The following RBFOX2 variants were observed in gnomAD, a reference collection of about 807,000 sequenced individuals.
RBFOX2 encodes the protein RNA binding fox-1 homolog 2.
RBFOX2 carries 10 observed loss-of-function variants against 49.1 expected under a neutral mutation model. The observed-to-expected ratio is 0.20, with a 90% CI of 0.13 to 0.35. The LOEUF (loss-of-function observed/expected upper bound fraction) is 0.35, where lower values mean the gene tolerates loss of function less well. Ranked by LOEUF, RBFOX2 falls within the 10% of genes least tolerant of loss-of-function variation. RBFOX2 has a pLI of 1.00. For synonymous variants in RBFOX2, 183 were observed against 187.4 expected (o/e 0.98, Z 0.19); for missense variants, 323 against 486.9 (o/e 0.66, Z 3.17).
At chr22:35,838,321 T>G (rs1460317129) in intron 1 of RBFOX2, among the ~76,000 whole-genome samples, 1 of 151,838 alleles carries the variant, frequency 6.6e-6, no homozygotes, top group Non-Finnish European at 1.5e-5. Flanking sequence ...TATTATATGG[T>G]TGTTACACTC....
chr22:35,929,165 T>A (rs1231655578), intron 1 of RBFOX2, among the ~76,000 whole-genome samples: 1 of 152,026 alleles, frequency 6.6e-6, no homozygotes, highest in African/African-American at 2.4e-5. Context: ...GTATTTCTAG[T>A]AGAGATGGGG....
intron 1 of RBFOX2, among the ~76,000 whole-genome samples, chr22:35,926,127 G>A (rs2080396410): frequency 6.6e-6 from 1 of 152,266 alleles, no homozygotes; most frequent in Non-Finnish European, 1.5e-5. Context: ...TAATTAGTTG[G>A]TTTCATTCTA....
intron 1 of RBFOX2, among the ~76,000 whole-genome samples, chr22:35,954,222 A>G (rs1020380690): frequency 1.1e-4 from 16 of 152,202 alleles, no homozygotes; most frequent in African/African-American, 2.7e-4. Context: ...ACAAATGAAC[A>G]TGTATTATTT....
chr22:35,917,164 G>A (rs1314573540), intron 1 of RBFOX2, among the ~76,000 whole-genome samples: 1 of 152,158 alleles, frequency 6.6e-6, no homozygotes, highest in Non-Finnish European at 1.5e-5. Flanking sequence ...AAGAGTGAAG[G>A]ATACAACTTC....
chr22:35,762,628 C>T (rs1939345296), intron 6 of RBFOX2, among the ~76,000 whole-genome samples: 1 of 151,630 alleles, frequency 6.6e-6, no homozygotes, highest in South Asian at 2.1e-4. Flanking sequence ...GCCTCAGCCT[C>T]CCAAGTAGCT....
intron 1 of RBFOX2, among the ~76,000 whole-genome samples, chr22:35,928,465 G>A (rs1021301754): frequency 2.6e-5 from 4 of 152,170 alleles, no homozygotes; most frequent in African/African-American, 9.7e-5. Context: ...TCGGGAGAAG[G>A]CTGTAGCCAA....
chr22:35,909,758 C>T (rs1264652464), intron 1 of RBFOX2, among the ~76,000 whole-genome samples: 1 of 152,178 alleles, frequency 6.6e-6, no homozygotes, highest in African/African-American at 2.4e-5. Flanking sequence ...ATTACAGGCA[C>T]AAGCCACCAT....
At chr22:35,960,958 G>GC (rs2056136589) in intron 1 of RBFOX2, among the ~76,000 whole-genome samples, 1 of 150,790 alleles carries the variant, frequency 6.6e-6, no homozygotes, top group Non-Finnish European at 1.5e-5. Flanking sequence ...TGTTATATTT[G>GC]TTTAAAAAAA....
intron 1 of RBFOX2, chr22:35,898,433 T>G: frequency 2.2e-6 from 1 of 464,596 alleles, no homozygotes; most frequent in South Asian, 2.2e-5. Context: ...TTTTTTTTTT[T>G]TTTTTTTTCT....
At chr22:35,895,088 C>CTCTCTT (rs1208838599) in intron 1 of RBFOX2, among the ~76,000 whole-genome samples, 4 of 151,964 alleles carry the variant, frequency 2.6e-5, no homozygotes, top group African/African-American at 9.7e-5. Flanking sequence ...CTCTCTCTCT[C>CTCTCTT]TCTCTTTCTC....
At chr22:35,775,240 G>A (rs1291592897) in intron 4 of RBFOX2, among the ~76,000 whole-genome samples, 4 of 152,128 alleles carry the variant, frequency 2.6e-5, no homozygotes, top group Non-Finnish European at 5.9e-5. Context: ...AGTTCCAAGG[G>A]CACCCATTCC....
chr22:35,879,294 A>C (rs1390396178), intron 1 of RBFOX2, among the ~76,000 whole-genome samples: 1 of 152,160 alleles, frequency 6.6e-6, no homozygotes, highest in African/African-American at 2.4e-5. Context: ...CGTACTGGAT[A>C]TGTACAGTCT....
At position 35,773,648 on chromosome 22, in the gene RBFOX2, T is replaced by G. The variant is rs1208424852; in HGVS notation, c.453+4377A>C. ...TGTAGTCCTTTAGTAGACTTAATAA[T>G]GAGCACTATCTGAAGAGCTGAACAA... On this transcript the variant is annotated intron_variant, in intron 4 of 11. Transcript: ENST00000405409. Among the ~76,000 whole-genome samples the G allele has an allele frequency of 2.0e-5, 3 of 152,122 alleles. No homozygotes were observed. The South Asian group carries it at 6.2e-4, about 31-fold the overall frequency.
At chr22:35,776,439 G>T (rs1943930487) in intron 4 of RBFOX2, among the ~76,000 whole-genome samples, 1 of 152,114 alleles carries the variant, frequency 6.6e-6, no homozygotes, top group African/African-American at 2.4e-5. Context: ...TTATAGTCAG[G>T]ATTAAACACT....
At chr22:35,795,278 T>A (rs1948568216) in intron 2 of RBFOX2, among the ~76,000 whole-genome samples, 1 of 152,152 alleles carries the variant, frequency 6.6e-6, no homozygotes, top group Admixed American at 6.5e-5. Flanking sequence ...CTTGGAAAAG[T>A]GGATGGCTGA....
At chr22:35,954,403 G>A (rs1415803507) in intron 1 of RBFOX2, among the ~76,000 whole-genome samples, 3 of 152,152 alleles carry the variant, frequency 2.0e-5, no homozygotes. Flanking sequence ...TACTCCTCAG[G>A]ATTCAGGATG....
At chr22:35,954,777 C>T (rs1483789737) in intron 1 of RBFOX2, among the ~76,000 whole-genome samples, 1 of 152,144 alleles carries the variant, frequency 6.6e-6, no homozygotes, top group Admixed American at 6.5e-5. Context: ...CTCAAAAGAA[C>T]TCACAGTCTA....
intron 1 of RBFOX2, among the ~76,000 whole-genome samples, chr22:36,007,255 C>T (rs1319330642): frequency 6.6e-6 from 1 of 151,460 alleles, no homozygotes; most frequent in Non-Finnish European, 1.5e-5. Flanking sequence ...AGCTAATATA[C>T]AAACATATAA....
intron 2 of RBFOX2, among the ~76,000 whole-genome samples, chr22:35,783,093 C>T (rs890032852): frequency 3.9e-5 from 6 of 152,174 alleles, no homozygotes; most frequent in Non-Finnish European, 5.9e-5. Flanking sequence ...GCCTGAGGAC[C>T]GGAAAACAGT....
Sources: allele counts gnomAD v4.1 joint callset (sites outside exome capture counted in the v4.1 genomes callset), GRCh38; gene constraint gnomAD v4.1.1; transcripts MANE v1.5; gene names NCBI Gene and HGNC (gene_info 2026-07-23, HGNC 2026-07-21).